The following TNFAIP8 variants were observed in gnomAD, a reference collection of about 807,000 sequenced individuals.
TNFAIP8 encodes tumor necrosis factor alpha-induced protein 8.
In TNFAIP8, 7 loss-of-function variants were observed where a neutral mutation model predicts 13.3. That is an observed-to-expected ratio of 0.52 (90% confidence interval 0.30 to 0.99). TNFAIP8 has a LOEUF of 0.99. TNFAIP8 is among the 50% of genes least tolerant of loss of function. The pLI is 0.07. For synonymous variants in TNFAIP8, 94 were observed against 87.6 expected (o/e 1.07, Z -0.41); for missense variants, 258 against 236.9 (o/e 1.09, Z -0.58).
chr5:119,374,241 G>A (rs775630151), intron 1 of TNFAIP8, among the ~76,000 whole-genome samples: 35 of 151,930 alleles, frequency 2.3e-4, no homozygotes, highest in Admixed American at 1.0e-3. Flanking sequence ...TACTGGTTGA[G>A]CATCCTATAT....
intron 1 of TNFAIP8, among the ~76,000 whole-genome samples, chr5:119,320,649 A>G (rs1159495320): frequency 6.6e-6 from 1 of 152,136 alleles, no homozygotes; most frequent in Non-Finnish European, 1.5e-5. Flanking sequence ...AGTAGTTGGC[A>G]TCATCCATCC....
chr5:119,311,629 C>T (rs911881958), intron 1 of TNFAIP8, among the ~76,000 whole-genome samples: 1 of 134,650 alleles, frequency 7.4e-6, no homozygotes, highest in Admixed American at 8.6e-5. Flanking sequence ...GTGGAGGTTG[C>T]AGTGAGCCAA....
rs60633145 is a variant in TNFAIP8 at position 119,348,880 on chromosome 5, CAAAAAAAAAA to C, written c.2-43918_2-43909del. On this transcript the variant is annotated intron_variant, in intron 1 of 1. Transcript: ENST00000274456. Reference sequence around the variant, plus strand: ...AGGCAACCAAAGCAAAACTCCATCTCAAAAAAAAAAAAAAAAAAAAAAAAAAAGAATAGAC... The same window carrying C: ...AGGCAACCAAAGCAAAACTCCATCTCAAAAAAAAAAAAAAAAAGAATAGAC... Among the ~76,000 whole-genome samples, 578 of 90,972 alleles carry C rather than the reference CAAAAAAAAAA, an allele frequency of 6.4e-3. 3 individuals are homozygous for C. Among genetic ancestry groups the C allele is most frequent in the African/African-American group, 0.016 (501 of 32,234 alleles). The allele number at this position is 90,972 out of a possible 152,430, so 59.7% of individuals were successfully genotyped here. A position where few individuals can be genotyped will look rare whatever the true frequency, so the allele number is the denominator to read the frequency against.
intron 1 of TNFAIP8, among the ~76,000 whole-genome samples, chr5:119,312,187 A>G (rs977071123): frequency 6.6e-6 from 1 of 152,172 alleles, no homozygotes; most frequent in Admixed American, 6.5e-5. Flanking sequence ...CTAGCTGGGA[A>G]TGGATTGGGG....
At chr5:119,295,221 C>CCATCTTGAA (rs1561987419) in intron 1 of TNFAIP8, among the ~76,000 whole-genome samples, 7 of 48,718 alleles carry the variant, frequency 1.4e-4, no homozygotes, top group African/African-American at 5.6e-4. Flanking sequence ...AACGTTTAGT[C>CCATCTTGAA]TAACGTTAGA....
intron 1 of TNFAIP8, among the ~76,000 whole-genome samples, chr5:119,283,192 CCT>C (rs1035950602): frequency 1.3e-5 from 2 of 152,324 alleles, no homozygotes; most frequent in East Asian, 1.9e-4. Context: ...GTTCACTCAC[CCT>C]GTTAGGTCCT....
At chr5:119,308,159 A>T (rs1226017224) in intron 1 of TNFAIP8, among the ~76,000 whole-genome samples, 3 of 152,296 alleles carry the variant, frequency 2.0e-5, no homozygotes. Context: ...ATATTATTAG[A>T]TAAATATTAC....
intron 1 of TNFAIP8, among the ~76,000 whole-genome samples, chr5:119,380,645 C>A (rs575255903): frequency 5.9e-5 from 9 of 152,134 alleles, no homozygotes; most frequent in Admixed American, 5.9e-4. Context: ...AAGGAAGATT[C>A]ATTTAATTTC....
chr5:119,300,809 C>T (rs1025653465), intron 1 of TNFAIP8, among the ~76,000 whole-genome samples: 1 of 152,126 alleles, frequency 6.6e-6, no homozygotes, highest in African/African-American at 2.4e-5. Context: ...GCCTTTTCCC[C>T]ACAAATTTCA....
chr5:119,286,033 CT>C, intron 1 of TNFAIP8, among the ~76,000 whole-genome samples: 1 of 152,106 alleles, frequency 6.6e-6, no homozygotes, highest in African/African-American at 2.4e-5. Context: ...AAAAGTTTAA[CT>C]TTTTATTTTA....
Position 119,395,744 on chromosome 5 carries a change from C to A in TNFAIP8, c.*2363C>A, listed in dbSNP as rs149670800. On this transcript the variant is annotated 3_prime_UTR_variant, in exon 2 of 2. Coordinates refer to ENST00000504771, the MANE Select transcript of TNFAIP8 (RefSeq NM_014350.4). ...CAAGTTCATTTCTAATACAATAGGA[C>A]TCCCCTTGAGCATTTAGGGTGGCAA... The A allele has an allele frequency of 2.6e-4, 40 of 152,310 alleles. No homozygotes were observed. Among genetic ancestry groups the A allele is most frequent in the African/African-American group, 8.9e-4 (37 of 41,568 alleles). The allele number at this position is 152,310 out of a possible 1,614,324, so 9.4% of individuals were successfully genotyped here.
intron 1 of TNFAIP8, among the ~76,000 whole-genome samples, chr5:119,278,391 G>A (rs1027215621): frequency 2.4e-4 from 35 of 147,674 alleles, no homozygotes; most frequent in African/African-American, 8.7e-4. Context: ...GTGTGTGTGT[G>A]TGTGTGTGTG....
At chr5:119,281,837 T>C (rs1297667364) in intron 1 of TNFAIP8, among the ~76,000 whole-genome samples, 1 of 152,214 alleles carries the variant, frequency 6.6e-6, no homozygotes, top group African/African-American at 2.4e-5. Context: ...TAGGAGGGGA[T>C]CATGAGAACA....
rs571015334 is a variant in TNFAIP8 at position 119,272,614 on chromosome 5, A to G, written c.1+3707A>G. Among the ~76,000 whole-genome samples, 15 of 152,380 alleles carry G rather than the reference A, an allele frequency of 9.8e-5. No homozygotes were observed. In the South Asian group the frequency reaches 2.3e-3, roughly 23 times the overall value. On this transcript the variant is annotated intron_variant, in intron 1 of 1. Transcript: ENST00000274456. ...ACCTGATTCCATAGGATTTTGTTTT[A>G]CATCAGACATAAGTTACCTGAGAAT...
intron 1 of TNFAIP8, among the ~76,000 whole-genome samples, chr5:119,368,375 TAA>T (rs765256111): frequency 7.0e-6 from 1 of 143,780 alleles, no homozygotes; most frequent in African/African-American, 2.6e-5. Context: ...TCCTGTCTGT[TAA>T]AAAAAAAAAC....
chr5:119,311,093 C>A (rs1216543588), intron 1 of TNFAIP8, among the ~76,000 whole-genome samples: 1 of 152,064 alleles, frequency 6.6e-6, no homozygotes, highest in Non-Finnish European at 1.5e-5. Flanking sequence ...CATGATTATA[C>A]CTCACTGCAG....
chr5:119,319,778 TA>T (rs759467319), intron 1 of TNFAIP8, among the ~76,000 whole-genome samples: 12 of 152,212 alleles, frequency 7.9e-5, no homozygotes, highest in Non-Finnish European at 1.6e-4. Flanking sequence ...AGCCCATGTC[TA>T]GATATTTTCT....
upstream of TNFAIP8, among the ~76,000 whole-genome samples, chr5:119,351,906 C>T (rs567751375): frequency 9.2e-5 from 14 of 151,788 alleles, 1 homozygote; most frequent in Admixed American, 8.5e-4. Flanking sequence ...TCTTCTGCCT[C>T]AGCCTCACAA....
intron 1 of TNFAIP8, among the ~76,000 whole-genome samples, chr5:119,339,411 TGTTGG>T (rs1750661334): frequency 6.6e-6 from 1 of 151,592 alleles, no homozygotes; most frequent in Non-Finnish European, 1.5e-5. Context: ...ATGGACATGC[TGTTGG>T]GTCAGCCACG....
Sources: gnomAD v4.1 joint callset for allele counts (sites outside exome capture counted in the v4.1 genomes callset) on GRCh38, gnomAD v4.1.1 for gene constraint, MANE v1.5 for transcripts, NCBI Gene and HGNC (gene_info 2026-07-23, HGNC 2026-07-21) for gene names.